Variants in COL11A1 observed in about 807,000 individuals in gnomAD.
The protein encoded by COL11A1 is collagen alpha-1(XI) chain.
Under a neutral mutation model 265.2 loss-of-function variants are expected in COL11A1, and 74 were observed. The ratio of observed to expected loss-of-function variants is 0.28; its 90% confidence interval spans 0.23 to 0.34. COL11A1 has a LOEUF of 0.34. Ranked by LOEUF, COL11A1 falls within the 10% of genes least tolerant of loss-of-function variation. The pLI is 1.00. For synonymous variants in COL11A1, 816 were observed against 727.6 expected, an observed-to-expected ratio of 1.12 and a Z score of -1.96; for missense variants, 2,165 against 2,263.6, an observed-to-expected ratio of 0.96 and a Z score of 0.88.
chr1:103,006,690 A>G (rs1665657339), intron 15 of COL11A1, among the ~76,000 whole-genome samples: 1 of 151,744 alleles, frequency 6.6e-6, no homozygotes, highest in Non-Finnish European at 1.5e-5. Context: ...GGCGCCCGCC[A>G]CTATGCCCGG....
At chr1:102,936,481 T>C (rs879261378) in intron 44 of COL11A1, among the ~76,000 whole-genome samples, 2 of 152,134 alleles carry the variant, frequency 1.3e-5, no homozygotes, top group East Asian at 3.9e-4. Flanking sequence ...AAAGGAAGCC[T>C]TGGATTTCAA....
intron 57 of COL11A1, among the ~76,000 whole-genome samples, 189 bp from the exon 58 acceptor site, chr1:102,890,693 A>T (rs567192611): frequency 1.3e-5 from 2 of 152,176 alleles, no homozygotes; most frequent in African/African-American, 4.8e-5. Flanking sequence ...TTTAATTTGT[A>T]ACCATAATAT....
At chr1:103,018,973 C>T (rs1666782311) in intron 9 of COL11A1, 114 bp from the exon 10 acceptor site, 2 of 782,640 alleles carry the variant, frequency 2.6e-6, no homozygotes, top group Non-Finnish European at 4.2e-6. Flanking sequence ...ATTATCTATT[C>T]ATACCACTTA....
chr1:102,999,873 TACA>T (rs1319051941), intron 24 of COL11A1, among the ~76,000 whole-genome samples: 2 of 151,888 alleles, frequency 1.3e-5, no homozygotes, highest in African/African-American at 4.8e-5. Flanking sequence ...ATAGATGTAA[TACA>T]ACATTTATAT....
chr1:103,012,327 G>A, intron 14 of COL11A1, 86 bp downstream of exon 14: 3 of 952,218 alleles, frequency 3.2e-6, no homozygotes, highest in Non-Finnish European at 5.1e-6. Flanking sequence ...ACCAACCATA[G>A]ATATGCACAA....
Position 103,020,908 on chromosome 1 carries a change from A to G in COL11A1, c.1308+799T>C, listed in dbSNP as rs1195245746. On this transcript the variant is annotated intron_variant, in intron 9 of 66. Coordinates refer to ENST00000370096, the MANE Select transcript of COL11A1 (RefSeq NM_001854.4). Reference sequence around the variant, plus strand: ...AAAGGTCAGATAGTTGTAGATATGCAGCGTTATTTCTGAGGGCTCTGTTCT... The same window carrying G: ...AAAGGTCAGATAGTTGTAGATATGCGGCGTTATTTCTGAGGGCTCTGTTCT... Among the ~76,000 whole-genome samples, 8 of 139,322 alleles carry G rather than the reference A, an allele frequency of 5.7e-5. No homozygotes were observed. The East Asian group carries it at 1.3e-3, about 23-fold the overall frequency. 91.4% of individuals were successfully genotyped at this position (139,322 alleles called of 152,430 possible).
intron 41 of COL11A1, among the ~76,000 whole-genome samples, chr1:102,958,261 T>C (rs1660559474): frequency 6.6e-6 from 1 of 152,096 alleles, no homozygotes; most frequent in African/African-American, 2.4e-5. Flanking sequence ...CATCACCTTT[T>C]CTATTAACAT....
intron 6 of COL11A1, 93 bp downstream of exon 6, chr1:103,026,123 G>A: frequency 8.3e-7 from 1 of 1,201,042 alleles, no homozygotes; most frequent in African/African-American, 1.5e-5. Context: ...ATGAATGAAA[G>A]GTTTATGGTA....
intron 37 of COL11A1, among the ~76,000 whole-genome samples, chr1:102,967,317 T>G (rs994778185): frequency 7.8e-6 from 1 of 128,732 alleles, no homozygotes; most frequent in African/African-American, 2.9e-5. Flanking sequence ...CTCGGCTCAC[T>G]GCAAGCTCCG....
chr1:103,093,151 A>G lies in COL11A1; in HGVS notation c.107-10179T>C, dbSNP rs12021523. On this transcript the variant is annotated intron_variant, in intron 1 of 66. Transcript: ENST00000370096. ...AGGGTGGCTATGAGAAAGCCATTAT[A>G]TAGCTATGAAGTTCAATATGATTCA... 4.6e-5 allele frequency among the ~76,000 whole-genome samples: 7 copies of G among 152,278 alleles called. No homozygotes were observed. The East Asian group carries it at 7.7e-4, about 17-fold the overall frequency.
intron 41 of COL11A1, among the ~76,000 whole-genome samples, chr1:102,951,213 T>C (rs1405708214): frequency 6.6e-6 from 1 of 152,220 alleles, no homozygotes; most frequent in Non-Finnish European, 1.5e-5. Context: ...CACTTTCTTA[T>C]AGAACCTTGG....
chr1:103,004,057 T>A (rs2622877), intron 20 of COL11A1, among the ~76,000 whole-genome samples: 10,651 of 152,228 alleles, frequency 0.07, 455 homozygotes, highest in Middle Eastern at 0.18. Flanking sequence ...AAGTGATATA[T>A]TCCATATGTC....
At chr1:103,087,451 G>A (rs2889339) in intron 1 of COL11A1, among the ~76,000 whole-genome samples, 120,288 of 152,082 alleles carry the variant, frequency 0.79, 47,859 homozygotes, top group East Asian at 0.99. Flanking sequence ...AACCCCACTG[G>A]CTCTCAGATG....
chr1:102,913,719 G>T (rs757531076), intron 52 of COL11A1, 29 bp from the exon 53 acceptor site: 3 of 1,598,670 alleles, frequency 1.9e-6, no homozygotes, highest in Non-Finnish European at 2.6e-6. Flanking sequence ...TATGAAGCAA[G>T]ATATATCTCA....
chr1:103,027,312 T>G (rs1179315585), intron 5 of COL11A1, among the ~76,000 whole-genome samples: 1 of 148,078 alleles, frequency 6.8e-6, no homozygotes, highest in East Asian at 2.0e-4. Context: ...AAACATAAGT[T>G]AAATTCAGTT....
chr1:102,996,209 T>C (rs1452476018), intron 26 of COL11A1, among the ~76,000 whole-genome samples, 167 bp from the exon 27 acceptor site: 1 of 152,072 alleles, frequency 6.6e-6, no homozygotes, highest in Non-Finnish European at 1.5e-5. Context: ...ACAGATATGA[T>C]GAGAAAAACA....
intron 47 of COL11A1, among the ~76,000 whole-genome samples, chr1:102,921,783 G>C (rs2101076127): frequency 6.6e-6 from 1 of 152,288 alleles, no homozygotes; most frequent in Non-Finnish European, 1.5e-5. Flanking sequence ...AGGATTTCAA[G>C]AGAAACAATT....
intron 54 of COL11A1, among the ~76,000 whole-genome samples, chr1:102,903,689 C>A (rs1653520148): frequency 6.6e-6 from 1 of 152,176 alleles, no homozygotes; most frequent in South Asian, 2.1e-4. Flanking sequence ...TTGATTGCTG[C>A]ATCAGATATT....
At chr1:103,087,642 G>T (rs1672983512) in intron 1 of COL11A1, among the ~76,000 whole-genome samples, 1 of 152,060 alleles carries the variant, frequency 6.6e-6, no homozygotes, top group Non-Finnish European at 1.5e-5. Flanking sequence ...GCTTGCTTCT[G>T]GGCCTTTATA....
Sources: gnomAD v4.1 joint callset for allele counts (sites outside exome capture counted in the v4.1 genomes callset) on GRCh38, gnomAD v4.1.1 for gene constraint, MANE v1.5 for transcripts, NCBI Gene and HGNC (gene_info 2026-07-23, HGNC 2026-07-21) for gene names.